Variants in SYNCRIP observed in about 807,000 individuals in gnomAD.
SYNCRIP encodes the protein heterogeneous nuclear ribonucleoprotein Q.
SYNCRIP carries 9 observed loss-of-function variants against 68.9 expected under a neutral mutation model. That is an observed-to-expected ratio of 0.13 (90% CI 0.08 to 0.23). SYNCRIP has a LOEUF of 0.23. SYNCRIP is among the 10% of genes least tolerant of loss of function. The pLI is 1.00. For synonymous variants in SYNCRIP, 258 were observed against 254.0 expected, an observed-to-expected ratio of 1.02 and a Z score of -0.15; for missense variants, 414 against 770.6, an observed-to-expected ratio of 0.54 and a Z score of 5.48.
chr6:85,640,204 A>T lies in SYNCRIP; in HGVS notation c.375+17T>A. ...TTAAAATGACTTTAAAACTAAAGGG[A>T]GTATAGAAAGACATACCTTAATTTT... is the stretch of plus-strand genomic sequence containing the variant. On this transcript the variant is annotated intron_variant, in intron 4 of 10. Coordinates refer to ENST00000369622, the MANE Select transcript of SYNCRIP (RefSeq NM_006372.5). 2 of 1,536,650 alleles carry T rather than the reference A, an allele frequency of 1.3e-6. No homozygotes were observed. The highest frequency in any genetic ancestry group is 1.8e-6 in the Non-Finnish European group (2 of 1,111,940).
chr6:85,620,421 G>A (rs1239243347), intron 8 of SYNCRIP, among the ~76,000 whole-genome samples: 1 of 152,202 alleles, frequency 6.6e-6, no homozygotes, highest in African/African-American at 2.4e-5. Flanking sequence ...AGAAGCCAAT[G>A]TGAAGGTTAC....
rs1375249564 is a variant in SYNCRIP at position 85,641,409 on chromosome 6, T to C, written c.31A>G (p.Thr11Ala). Residue 11 changes from threonine to alanine, a missense_variant, in exon 2 of 11, where the codon ACT becomes GCT. This residue lies in a region of SYNCRIP where 51 missense variants were observed against 63.7 expected (regional missense o/e 0.80). Coordinates refer to ENST00000369622, the MANE Select transcript of SYNCRIP (RefSeq NM_006372.5). The stretch of plus-strand genomic sequence containing the variant: ...GAAGTAGTATCCATGGGCTCTTCAG[T>C]ACCATTTCCATTAACATGTTCTGTA... MATEHVNGNG[T>A]EEPMDTTSAV... The C allele has an allele frequency of 2.5e-6, 4 of 1,613,626 alleles. No individual in the cohort carries two copies. Among genetic ancestry groups the C allele is most frequent in the South Asian group, 1.1e-5 (1 of 91,070 alleles).
intron 6 of SYNCRIP, among the ~76,000 whole-genome samples, chr6:85,626,375 T>C (rs1175439999): frequency 6.6e-6 from 1 of 151,358 alleles, no homozygotes; most frequent in Non-Finnish European, 1.5e-5. Context: ...CAAAAACAAT[T>C]AAAATACCAG....
chr6:85,636,934 G>A (rs781135908), intron 6 of SYNCRIP, 33 bp downstream of exon 6: 21 of 1,556,066 alleles, frequency 1.3e-5, no homozygotes, highest in Middle Eastern at 1.7e-4. Flanking sequence ...GACAGTGAAC[G>A]TGAAAACTGA....
At chr6:85,623,579 A>AAAAAACAGAAAAAAAAAAC (rs1554184894) in intron 7 of SYNCRIP, among the ~76,000 whole-genome samples, 1 of 125,758 alleles carries the variant, frequency 8.0e-6, no homozygotes, top group Admixed American at 8.1e-5. Flanking sequence ...AAAAAAAAAA[A>AAAAAACAGAAAAAAAAAAC]AAAACACTCT....
chr6:85,633,205 G>A (rs1031133888), intron 6 of SYNCRIP, among the ~76,000 whole-genome samples: 82 of 151,256 alleles, frequency 5.4e-4, no homozygotes, highest in African/African-American at 1.7e-3. Context: ...GCAGTGAGCC[G>A]AGATTGCACC....
At chr6:85,630,675 T>C (rs1213037351) in intron 6 of SYNCRIP, among the ~76,000 whole-genome samples, 2 of 152,140 alleles carry the variant, frequency 1.3e-5, no homozygotes, top group African/African-American at 2.4e-5. Flanking sequence ...TAGCACAGAA[T>C]TGTAAATGGA....
chr6:85,643,559 G>C (rs1250936095), upstream of SYNCRIP, among the ~76,000 whole-genome samples: 1 of 150,622 alleles, frequency 6.6e-6, no homozygotes, highest in Non-Finnish European at 1.5e-5. Context: ...GGCTCAGCGT[G>C]TCCCACTCGT....
At chr6:85,608,191 G>C (rs1369407882), downstream of SYNCRIP, 4 of 151,950 alleles carry the variant, frequency 2.6e-5, no homozygotes, top group African/African-American at 9.7e-5. Context: ...TTTCACCATT[G>C]GCTAGTTACT....
chr6:85,621,297 G>T (rs1402198449), intron 8 of SYNCRIP, among the ~76,000 whole-genome samples: 1 of 152,140 alleles, frequency 6.6e-6, no homozygotes, highest in Non-Finnish European at 1.5e-5. Flanking sequence ...TAACCTGTAA[G>T]TAACAAAGAG....
At chr6:85,624,680 T>C (rs1806836434) in intron 6 of SYNCRIP, among the ~76,000 whole-genome samples, 1 of 152,196 alleles carries the variant, frequency 6.6e-6, no homozygotes, top group Admixed American at 6.5e-5. Context: ...GGCAAAAATA[T>C]ACAGAAACAA....
At position 85,623,579 on chromosome 6, in the gene SYNCRIP, A is replaced by AAAAAAAACAAAAAAAAAAAAC. The variant is rs1554184894; in HGVS notation, c.802+397_802+398insGTTTTTTTTTTTTGTTTTTTT. ...ACTGTCTCCAAAAAAAAAAAAAAAA[A>AAAAAAAACAAAAAAAAAAAAC]AAAACACTCTGCTACGGCAATACTT... is the stretch of plus-strand genomic sequence containing the variant. On this transcript the variant is annotated intron_variant, in intron 7 of 10. Transcript: ENST00000369622. Among the ~76,000 whole-genome samples the AAAAAAAACAAAAAAAAAAAAC allele has an allele frequency of 1.8e-3, 224 of 125,760 alleles. 3 individuals carry two copies. Among genetic ancestry groups the AAAAAAAACAAAAAAAAAAAAC allele is most frequent in the East Asian group, 4.5e-3 (16 of 3,520 alleles). The allele number at this position is 125,760 out of a possible 152,430, so 82.5% of individuals were successfully genotyped here. A position where few individuals can be genotyped will look rare whatever the true frequency, so the allele number is the denominator to read the frequency against.
At chr6:85,629,785 G>A (rs1283467923) in intron 6 of SYNCRIP, among the ~76,000 whole-genome samples, 1 of 151,960 alleles carries the variant, frequency 6.6e-6, no homozygotes, top group Admixed American at 6.6e-5. Flanking sequence ...TCATGCCACT[G>A]CAATCCAGCC....
intron 6 of SYNCRIP, among the ~76,000 whole-genome samples, chr6:85,632,326 A>G (rs1220150167): frequency 6.6e-6 from 1 of 152,216 alleles, no homozygotes; most frequent in Non-Finnish European, 1.5e-5. Flanking sequence ...GGCATGAGGC[A>G]CTTTCCCAAC....
At chr6:85,640,839 A>C (rs1056325626) in intron 2 of SYNCRIP, among the ~76,000 whole-genome samples, 6 of 147,478 alleles carry the variant, frequency 4.1e-5, no homozygotes, top group Admixed American at 3.3e-4. Flanking sequence ...TTTACAGTAT[A>C]CAGACTTACG....
chr6:85,611,146 C>G (rs1052835643), downstream of SYNCRIP: 1 of 151,984 alleles, frequency 6.6e-6, no homozygotes, highest in Non-Finnish European at 1.5e-5. Flanking sequence ...GTGAAACATA[C>G]AGGCTATTGG....
At chr6:85,609,293 C>A (rs546161914), downstream of SYNCRIP, 2 of 152,020 alleles carry the variant, frequency 1.3e-5, no homozygotes, top group Non-Finnish European at 2.9e-5. Flanking sequence ...AATAAGGGAT[C>A]TTTTGCTGTT....
rs146729223 is a variant in SYNCRIP, at chr6:85,617,229, A to G, written c.1280+1589T>C. ...AAAAAAAAAAAGACTGTAGCAAGTT[A>G]AAGTACGAAAGTAACATGCAATCAT... On this transcript the variant is annotated intron_variant, in intron 10 of 10. Coordinates refer to ENST00000369622, the MANE Select transcript of SYNCRIP (RefSeq NM_006372.5). Among the ~76,000 whole-genome samples, 61 of 152,120 alleles carry G rather than the reference A, an allele frequency of 4.0e-4. No individual in the cohort carries two copies. The East Asian group carries it at 0.01, about 25-fold the overall frequency.
At chr6:85,619,533 T>TAA in intron 8 of SYNCRIP, 116 bp from the exon 9 acceptor site, 3 of 907,494 alleles carry the variant, frequency 3.3e-6, no homozygotes, top group Non-Finnish European at 3.1e-6. Context: ...AATGTCAGAA[T>TAA]ATAAAAAAAA....
Sources: gnomAD v4.1 joint callset for allele counts (sites outside exome capture counted in the v4.1 genomes callset) on GRCh38, gnomAD v4.1.1 for gene constraint, gnomAD v4.1.1 regional missense constraint, MANE v1.5 for transcripts, NCBI Gene and HGNC (gene_info 2026-07-23, HGNC 2026-07-21) for gene names.